The following GLCE variants were observed in gnomAD, a reference collection of about 807,000 sequenced individuals.
The protein encoded by GLCE is glucuronic acid epimerase.
Under a neutral mutation model 47.9 loss-of-function variants are expected in GLCE, and 19 were observed. The observed-to-expected ratio is 0.40, with a 90% CI of 0.28 to 0.58. GLCE has a LOEUF of 0.58. Among genes scored for constraint, GLCE ranks in the 20% least tolerant of loss-of-function variants. The pLI, the probability that GLCE is intolerant of heterozygous loss-of-function variation, is 0.48. For synonymous variants in GLCE, 245 were observed against 263.4 expected (o/e 0.93, Z 0.68); for missense variants, 556 against 743.3 (o/e 0.75, Z 2.93).
At chr15:69,205,358 G>T (rs375916103) in intron 1 of GLCE, among the ~76,000 whole-genome samples, 21 of 152,250 alleles carry the variant, frequency 1.4e-4, no homozygotes, top group African/African-American at 4.6e-4. Flanking sequence ...GTAGTATTCA[G>T]TTGTATGGAT....
intron 2 of GLCE, among the ~76,000 whole-genome samples, chr15:69,220,628 C>T (rs917032504): frequency 1.3e-5 from 2 of 151,968 alleles, no homozygotes; most frequent in Admixed American, 6.6e-5. Flanking sequence ...TGAATTCGGT[C>T]GTTTGCTTTT....
intron 1 of GLCE, among the ~76,000 whole-genome samples, chr15:69,179,064 C>T (rs1164438237): frequency 6.6e-6 from 1 of 152,136 alleles, no homozygotes; most frequent in African/African-American, 2.4e-5. Flanking sequence ...GGTGTAAATA[C>T]ACATGCATAT....
chr15:69,263,133 G>A (rs1465068040), intron 4 of GLCE, among the ~76,000 whole-genome samples: 3 of 152,058 alleles, frequency 2.0e-5, no homozygotes, highest in Non-Finnish European at 2.9e-5. Context: ...TTCAGATTTC[G>A]GATTTTTGAA....
intron 1 of GLCE, among the ~76,000 whole-genome samples, chr15:69,170,000 T>G (rs1437993664): frequency 6.6e-6 from 1 of 152,194 alleles, no homozygotes; most frequent in East Asian, 1.9e-4. Flanking sequence ...ATAACATTTA[T>G]GTAAATCTTA....
At chr15:69,235,264 C>T (rs957259552) in intron 2 of GLCE, among the ~76,000 whole-genome samples, 8 of 151,710 alleles carry the variant, frequency 5.3e-5, no homozygotes, top group South Asian at 4.2e-4. Context: ...TATGCCACCA[C>T]ACCCTCCTAA....
chr15:69,253,135 C>T (rs1254139761), intron 2 of GLCE, among the ~76,000 whole-genome samples: 3 of 152,194 alleles, frequency 2.0e-5, no homozygotes, highest in African/African-American at 7.2e-5. Context: ...CTCTTCTCCC[C>T]TCCTCATACC....
intron 1 of GLCE, among the ~76,000 whole-genome samples, chr15:69,181,905 GT>G (rs2051754307): frequency 6.6e-6 from 1 of 151,884 alleles, no homozygotes; most frequent in Non-Finnish European, 1.5e-5. Context: ...GGGATCTAGT[GT>G]GTAAGTAAAA....
At chr15:69,192,612 T>G (rs1229950957) in intron 1 of GLCE, among the ~76,000 whole-genome samples, 2 of 152,174 alleles carry the variant, frequency 1.3e-5, no homozygotes, top group Non-Finnish European at 2.9e-5. Flanking sequence ...CGAATGCTCA[T>G]TATTGTGAAT....
intron 2 of GLCE, among the ~76,000 whole-genome samples, chr15:69,234,221 G>A (rs909975110): frequency 4.6e-5 from 7 of 151,960 alleles, no homozygotes; most frequent in Non-Finnish European, 7.4e-5. Flanking sequence ...CAGGTAATCC[G>A]CCCGCCTCAG....
intron 1 of GLCE, among the ~76,000 whole-genome samples, chr15:69,206,877 T>C (rs531381192): frequency 1.3e-5 from 2 of 152,070 alleles, no homozygotes; most frequent in Non-Finnish European, 1.5e-5. Context: ...TAGGAAATAA[T>C]ACATTTGTAT....
chr15:69,265,930 T>C (rs978707242), intron 4 of GLCE, among the ~76,000 whole-genome samples: 2 of 152,212 alleles, frequency 1.3e-5, no homozygotes, highest in African/African-American at 4.8e-5. Flanking sequence ...TAATCTTGAG[T>C]GGTTCATAAG....
intron 3 of GLCE, among the ~76,000 whole-genome samples, chr15:69,257,429 C>T (rs2052942518): frequency 6.6e-6 from 1 of 152,172 alleles, no homozygotes; most frequent in Non-Finnish European, 1.5e-5. Context: ...GTCTCGATCT[C>T]CCAGGCTCAA....
rs774052098 is a variant in GLCE at position 69,255,832 on chromosome 15, A to T, written c.26A>T (p.Asn9Ile). ...ATGCGTTGCTTGGCAGCTCGGGTCA[A>T]CTATAAGACTTTGATTATTATCTGC... MRCLAARVNYKTLIIICAL... is the reference protein window; with the variant it reads MRCLAARVIYKTLIIICAL... The change falls in exon 3 of 5, where the codon AAC (asparagine) becomes ATC (isoleucine). Residue 9 changes from asparagine to isoleucine, a missense_variant. Transcript: ENST00000261858. 6.2e-7 allele frequency: 1 copy of T among 1,612,316 alleles called. No individual in the cohort carries two copies. The highest frequency in any genetic ancestry group is 8.5e-7 in the Non-Finnish European group (1 of 1,178,482).
intron 2 of GLCE, among the ~76,000 whole-genome samples, chr15:69,253,315 G>T (rs887813099): frequency 6.6e-6 from 1 of 152,228 alleles, no homozygotes; most frequent in Non-Finnish European, 1.5e-5. Context: ...AGGTCTGCTG[G>T]CTCCCCACCC....
intron 2 of GLCE, among the ~76,000 whole-genome samples, chr15:69,249,746 TC>T (rs1434125781): frequency 5.3e-5 from 8 of 152,320 alleles, no homozygotes; most frequent in African/African-American, 1.9e-4. Context: ...TATCCATAGT[TC>T]CTGATATTTA....
intron 4 of GLCE, among the ~76,000 whole-genome samples, chr15:69,262,152 C>A (rs945158846): frequency 6.6e-6 from 1 of 152,188 alleles, no homozygotes; most frequent in African/African-American, 2.4e-5. Context: ...TCATTGATGA[C>A]TGTGTAATTT....
At chr15:69,266,343 T>C (rs562097445) in intron 4 of GLCE, among the ~76,000 whole-genome samples, 13 of 152,114 alleles carry the variant, frequency 8.5e-5, no homozygotes, top group Non-Finnish European at 1.9e-4. Flanking sequence ...TTCTTTTTTT[T>C]TTTAAGAGAC....
intron 2 of GLCE, among the ~76,000 whole-genome samples, chr15:69,223,242 AGTG>A (rs2052401387): frequency 1.3e-5 from 2 of 152,284 alleles, no homozygotes; most frequent in South Asian, 4.1e-4. Flanking sequence ...GGGCAGGTCT[AGTG>A]GTAATGAATT....
At chr15:69,240,134 A>C (rs900805344) in intron 2 of GLCE, among the ~76,000 whole-genome samples, 2 of 152,196 alleles carry the variant, frequency 1.3e-5, no homozygotes, top group African/African-American at 4.8e-5. Context: ...CATCATAAAA[A>C]GAGAGACAGT....
Sources: allele counts gnomAD v4.1 joint callset (sites outside exome capture counted in the v4.1 genomes callset), GRCh38; gene constraint gnomAD v4.1.1; transcripts MANE v1.5; gene names NCBI Gene and HGNC (gene_info 2026-07-23, HGNC 2026-07-21).